Variants in DBX1 observed in about 807,000 individuals in gnomAD.
The protein encoded by DBX1 is developing brain homeobox 1.
In DBX1, 10 loss-of-function variants were observed where a neutral mutation model predicts 20.8. The observed-to-expected ratio is 0.48, with a 90% CI of 0.30 to 0.82. The LOEUF (loss-of-function observed/expected upper bound fraction) is 0.82. Ranked by LOEUF, DBX1 falls within the 40% of genes least tolerant of loss-of-function variation. The probability of loss-of-function intolerance (pLI) is 0.07; values close to 1 mark genes in which losing one functional copy is unlikely to be tolerated. For missense variants in DBX1, 505 were observed against 468.8 expected (o/e 1.08, Z -0.71); for synonymous variants, 241 against 213.9 (o/e 1.13, Z -1.11).
rs1327961786 is a variant in DBX1 at position 20,160,061 on chromosome 11, G to A, written c.264C>T (p.Gly88=). The A allele has an allele frequency of 1.3e-6, 2 of 1,577,280 alleles. No individual in the cohort carries two copies. Among genetic ancestry groups the A allele is most frequent in the Admixed American group, 3.7e-5 (2 of 54,316 alleles). The change falls in exon 1 of 4, where the codon GGC becomes GGT. Residue 88 remains glycine (G), a synonymous_variant. Coordinates refer to ENST00000524983, the MANE Select transcript of DBX1 (RefSeq NM_001029865.4). ...TCGGCGGAGAGCCGCCCCGTCGGCTGCCGGGACCCGGGGAGCCCAGGTCCG... is the reference window on the plus strand; with the variant it reads ...TCGGCGGAGAGCCGCCCCGTCGGCTACCGGGACCCGGGGAGCCCAGGTCCG... ...GASDLGSPGP[G]SRRGGSPPTA...
In DBX1 at chr11:20,156,810, G is replaced by T; in HGVS notation, c.672+227C>A. On this transcript the variant is annotated intron_variant, in intron 3 of 3. Transcript: ENST00000524983. The surrounding 1 kb of genome is among the most constrained non-coding windows in gnomAD (Gnocchi z 4.8). ...CCTGCCCCGAAGGGCGGGGTTGGGG[G>T]CCGGTGAGGCCGGGAGAGAAGGCGG... 1 of 770,406 alleles carries T rather than the reference G, an allele frequency of 1.3e-6. No homozygotes were observed. The highest frequency in any genetic ancestry group is 2.1e-6 in the Non-Finnish European group (1 of 473,754). The allele number at this position is 770,406 out of a possible 1,614,324, so 47.7% of individuals were successfully genotyped here.
chr11:20,158,791 G>T (rs377066782), intron 2 of DBX1, among the ~76,000 whole-genome samples: 1 of 151,982 alleles, frequency 6.6e-6, no homozygotes, highest in African/African-American at 2.4e-5. Context: ...GACTAGGGCC[G>T]GTCTGTGTGT....
Position 20,156,687 on chromosome 11 carries a change from T to A in DBX1, c.673-114A>T. 6.9e-7 allele frequency: 1 copy of A among 1,455,978 alleles called. No homozygotes were observed. Among genetic ancestry groups the A allele is most frequent in the Middle Eastern group, 1.9e-4 (1 of 5,234 alleles). The allele number at this position is 1,455,978 out of a possible 1,614,324, so 90.2% of individuals were successfully genotyped here. A position where few individuals can be genotyped will look rare whatever the true frequency, so the allele number is the denominator to read the frequency against. ...GGTGCAGGCTCTGTCCTTCGGGCTG[T>A]GTCCTCTCCCCACCCCCAGAAATGA... On this transcript the variant is annotated intron_variant, in intron 3 of 3. Coordinates refer to ENST00000524983, the MANE Select transcript of DBX1 (RefSeq NM_001029865.4). The surrounding 1 kb of genome is among the most constrained non-coding windows in gnomAD (Gnocchi z 4.8).
chr11:20,156,633 G>A lies in DBX1; in HGVS notation c.673-60C>T, dbSNP rs1316198972. The A allele has an allele frequency of 2.5e-6, 4 of 1,612,266 alleles. No homozygotes were observed. The highest frequency in any genetic ancestry group is 2.7e-5 in the African/African-American group (2 of 74,946). On this transcript the variant is annotated intron_variant, in intron 3 of 3. Coordinates refer to ENST00000524983, the MANE Select transcript of DBX1 (RefSeq NM_001029865.4). This position sits in a 1 kb window ranked among gnomAD's most constrained non-coding sequence, Gnocchi z 4.8. ...GCAGAGGTCAGATCAGGGGCTCCGG[G>A]GGACGCACGGGGGCGGGGAGTGGAG...
chr11:20,157,287 T>A, intron 2 of DBX1, 48 bp from the exon 3 acceptor site: 2 of 1,487,856 alleles, frequency 1.3e-6, no homozygotes, highest in African/African-American at 1.4e-5. Flanking sequence ...CGCCCCCCAG[T>A]CCCAACACGG....
Position 20,160,292 on chromosome 11 carries a change from G to GC in DBX1, c.32_33insG (p.Gly12ArgfsTer4). On this transcript the variant is annotated frameshift_variant, in exon 1 of 4. Coordinates refer to ENST00000524983, the MANE Select transcript of DBX1 (RefSeq NM_001029865.4). LOFTEE classifies it high-confidence loss of function. ...TGGGCCGCAGGAGGCTAGGGTACCC[G>GC]GCGGGGGGCGCGAGGAGGCCGGGGA... is the stretch of plus-strand genomic sequence containing the variant. The GC allele has an allele frequency of 6.5e-7, 1 of 1,530,070 alleles. No individual in the cohort carries two copies. Among genetic ancestry groups the GC allele is most frequent in the South Asian group, 1.2e-5 (1 of 83,102 alleles). The allele number at this position is 1,530,070 out of a possible 1,614,324, so 94.8% of individuals were successfully genotyped here. A position where few individuals can be genotyped will look rare whatever the true frequency, so the allele number is the denominator to read the frequency against.
Position 20,156,675 on chromosome 11 carries a change from TC to T in DBX1, c.673-103del, listed in dbSNP as rs745544458. 1.3e-6 allele frequency: 2 copies of T among 1,535,824 alleles called. No homozygotes were observed. Among genetic ancestry groups the T allele is most frequent in the Non-Finnish European group, 1.8e-6 (2 of 1,112,306 alleles). On this transcript the variant is annotated intron_variant, in intron 3 of 3. Transcript: ENST00000524983. This position sits in a 1 kb window ranked among gnomAD's most constrained non-coding sequence, Gnocchi z 4.8. ...GGAGTGGAGTCGGGTGCAGGCTCTGTCCTTCGGGCTGTGTCCTCTCCCCACC... is the reference window on the plus strand; with the variant it reads ...GGAGTGGAGTCGGGTGCAGGCTCTGTCTTCGGGCTGTGTCCTCTCCCCACC...
rs1353303622 is a variant in DBX1, at chr11:20,160,145, G to C, written c.180C>G (p.Thr60=). ...CCTGCCTGGGCGGCGACATGCTGGC[G>C]GTGGGCACGCTGCGGGGCAGGTAGG... is the stretch of plus-strand genomic sequence containing the variant. The part of the protein sequence containing the change: ...PPAYLPRSVP[T]ASMSPPRQGA... The change falls in exon 1 of 4, where the codon ACC becomes ACG. Residue 60 remains threonine (T), a synonymous_variant. Coordinates refer to ENST00000524983, the MANE Select transcript of DBX1 (RefSeq NM_001029865.4). The C allele has an allele frequency of 6.5e-7, 1 of 1,548,246 alleles. No homozygotes were observed.
rs1383359504 is a variant in DBX1 at position 20,156,440 on chromosome 11, C to T, written c.806G>A (p.Gly269Asp). The change falls in exon 4 of 4, where the codon GGC (glycine) becomes GAC (aspartate). Residue 269 changes from glycine (G) to aspartate (D), a missense_variant. By Grantham distance (94) the Gly-to-Asp change is moderately conservative. Coordinates refer to ENST00000524983, the MANE Select transcript of DBX1 (RefSeq NM_001029865.4). The surrounding 1 kb of genome is among the most constrained non-coding windows in gnomAD (Gnocchi z 4.8). ...LNPHPDLSDV[G>D]QKGPGNEEEE... ...CTCTTCGTTCCCAGGGCCCTTCTGG[C>T]CCACGTCGCTGAGGTCCGGGTGCGG... The T allele has an allele frequency of 1.2e-6, 2 of 1,609,274 alleles. No individual in the cohort carries two copies. Among genetic ancestry groups the T allele is most frequent in the Non-Finnish European group, 1.7e-6 (2 of 1,177,778 alleles).
At chr11:20,157,288 C>G in intron 2 of DBX1, 49 bp from the exon 3 acceptor site, 2 of 1,482,760 alleles carry the variant, frequency 1.3e-6, no homozygotes, top group Non-Finnish European at 9.1e-7. Flanking sequence ...GCCCCCCAGT[C>G]CCAACACGGC....
Position 20,156,600 on chromosome 11 carries a change from A to C in DBX1, c.673-27T>G. 6.2e-7 allele frequency: 1 copy of C among 1,613,848 alleles called. No individual in the cohort carries two copies. The highest frequency in any genetic ancestry group is 8.5e-7 in the Non-Finnish European group (1 of 1,179,982). On this transcript the variant is annotated intron_variant, in intron 3 of 3. Coordinates refer to ENST00000524983, the MANE Select transcript of DBX1 (RefSeq NM_001029865.4). This position sits in a 1 kb window ranked among gnomAD's most constrained non-coding sequence, Gnocchi z 4.8. ...TGGAATGTCCCGGCCGGCGAGAAGA[A>C]GGGAGAAGCAGAGGTCAGATCAGGG...
At position 20,160,309 on chromosome 11, in the gene DBX1, G is replaced by T; in HGVS notation, c.16C>A (p.Leu6Ile). The change falls in exon 1 of 4, where the codon CTC becomes ATC. Residue 6 changes from leucine to isoleucine, a missense_variant. By Grantham distance (5) the Leu-to-Ile change is conservative. Coordinates refer to ENST00000524983, the MANE Select transcript of DBX1 (RefSeq NM_001029865.4). ...GGGTACCCGGCGGGGGGCGCGAGGA[G>T]GCCGGGGAACATCATGGTAGGCGCG... MMFPG[L>I]LAPPAGYPSL... 1 of 1,521,650 alleles carries T rather than the reference G, an allele frequency of 6.6e-7. No individual in the cohort carries two copies. The highest frequency in any genetic ancestry group is 8.8e-7 in the Non-Finnish European group (1 of 1,136,336). 94.3% of individuals were successfully genotyped at this position (1,521,650 alleles called of 1,614,324 possible).
rs1449052880 is a variant in DBX1, at chr11:20,160,378, C to G, written c.-54G>C. On this transcript the variant is annotated 5_prime_UTR_variant, in exon 1 of 4. Coordinates refer to ENST00000524983, the MANE Select transcript of DBX1 (RefSeq NM_001029865.4). Reference sequence around the variant, plus strand: ...TCTTTCAGTGGCCGGAGGGTAAACGCCTCGCTTCCCGCCCCTCCCGCCCCC... The same window carrying G: ...TCTTTCAGTGGCCGGAGGGTAAACGGCTCGCTTCCCGCCCCTCCCGCCCCC... 2.1e-6 allele frequency: 3 copies of G among 1,454,310 alleles called. No homozygotes were observed. Among genetic ancestry groups the G allele is most frequent in the African/African-American group, 2.9e-5 (2 of 69,952 alleles). 90.1% of individuals were successfully genotyped at this position (1,454,310 alleles called of 1,614,324 possible). A position where few individuals can be genotyped will look rare whatever the true frequency, so the allele number is the denominator to read the frequency against.
At position 20,160,431 on chromosome 11, in the gene DBX1, A is replaced by G. The variant is rs2063684663; in HGVS notation, c.-107T>C. On this transcript the variant is annotated 5_prime_UTR_variant, in exon 1 of 4. Coordinates refer to ENST00000524983, the MANE Select transcript of DBX1 (RefSeq NM_001029865.4). ...AGTGTCCTCTCTCTTGGGCTTAGCA[A>G]ACGTCTCCAAGTAACAATCCCACTT... is the stretch of plus-strand genomic sequence containing the variant. 7.3e-7 allele frequency: 1 copy of G among 1,362,932 alleles called. No homozygotes were observed. The highest frequency in any genetic ancestry group is 1.5e-5 in the African/African-American group (1 of 65,936). 84.4% of individuals were successfully genotyped at this position (1,362,932 alleles called of 1,614,324 possible). A position where few individuals can be genotyped will look rare whatever the true frequency, so the allele number is the denominator to read the frequency against.
intron 1 of DBX1, among the ~76,000 whole-genome samples, 179 bp downstream of exon 1, chr11:20,159,779 C>A (rs2063678725): frequency 6.6e-6 from 1 of 152,242 alleles, no homozygotes; most frequent in Admixed American, 6.5e-5. Flanking sequence ...GGAGGCTTTT[C>A]TTCCCCGGAA....
At chr11:20,158,765 C>G (rs1048432990) in intron 2 of DBX1, among the ~76,000 whole-genome samples, 2 of 152,028 alleles carry the variant, frequency 1.3e-5, no homozygotes, top group Non-Finnish European at 2.9e-5. Context: ...GTAGGTGTCT[C>G]TCGGCGGCGT....
chr11:20,158,575 T>C (rs565551504), intron 2 of DBX1, among the ~76,000 whole-genome samples: 1 of 151,978 alleles, frequency 6.6e-6, no homozygotes, highest in African/African-American at 2.4e-5. Flanking sequence ...TAATACAGGG[T>C]GGGAAAGGAG....
rs925182044 is a variant in DBX1, at chr11:20,160,335, G to A, written c.-11C>T. 1 of 1,493,888 alleles carries A rather than the reference G, an allele frequency of 6.7e-7. No individual in the cohort carries two copies. 92.5% of individuals were successfully genotyped at this position (1,493,888 alleles called of 1,614,324 possible). On this transcript the variant is annotated 5_prime_UTR_variant, in exon 1 of 4. Coordinates refer to ENST00000524983, the MANE Select transcript of DBX1 (RefSeq NM_001029865.4). ...GCCGGGGAACATCATGGTAGGCGCG[G>A]GCGGGCGAAATAACCCTTCTTTCAG... is the stretch of plus-strand genomic sequence containing the variant.
chr11:20,157,129 T>G lies in DBX1; in HGVS notation c.580A>C (p.Lys194Gln), dbSNP rs1205403998. ...RRAVFSDVQR[K>Q]ALEKMFQKQK... ...TTCTGGAACATCTTCTCCAGCGCCT[T>G]CCGCTGCACGTCGGAGAAGACTGCT... Residue 194 changes from lysine (K) to glutamine (Q), a missense_variant, in exon 3 of 4, where the codon AAG becomes CAG. Lys to Gln is a moderately conservative substitution (Grantham distance 53, BLOSUM62 1). Coordinates refer to ENST00000524983, the MANE Select transcript of DBX1 (RefSeq NM_001029865.4). 1.9e-6 allele frequency: 3 copies of G among 1,613,636 alleles called. No individual in the cohort carries two copies. Among genetic ancestry groups the G allele is most frequent in the Admixed American group, 1.7e-5 (1 of 60,026 alleles).
Sources: allele counts gnomAD v4.1 joint callset (sites outside exome capture counted in the v4.1 genomes callset), GRCh38; gene constraint gnomAD v4.1.1; non-coding constraint Gnocchi (gnomAD v3.1); transcripts MANE v1.5; gene names NCBI Gene and HGNC (gene_info 2026-07-23, HGNC 2026-07-21).